TCAP: variants seen among roughly 807,000 people sequenced by gnomAD.
TCAP encodes titin-cap.
TCAP carries 14 observed loss-of-function variants against 16.6 expected under a neutral mutation model. That is an observed-to-expected ratio of 0.84 (90% confidence interval 0.56 to 1.32). The LOEUF is 1.32. Among genes scored for constraint, TCAP ranks in the 40% most tolerant of loss-of-function variants. The pLI is 0.00. For synonymous variants in TCAP, 97 were observed against 93.2 expected (o/e 1.04, Z -0.23); for missense variants, 212 against 223.5 (o/e 0.95, Z 0.33).
At chr17:39,665,691 C>T (rs779822505) in intron 1 of TCAP, 25 bp from the exon 2 acceptor site, 9 of 1,600,648 alleles carry the variant, frequency 5.6e-6, no homozygotes, top group East Asian at 4.5e-5. Flanking sequence ...CTCCCAGGAG[C>T]TCACTGCCCC....
At chr17:39,665,567 G>A in intron 1 of TCAP, 98 bp downstream of exon 1, 3 of 1,437,346 alleles carry the variant, frequency 2.1e-6, no homozygotes, top group Non-Finnish European at 2.9e-6. Context: ...ATTTCTGGGG[G>A]TGGGGGCAGG....
Position 39,666,126 on chromosome 17 carries a change from G to A in TCAP, c.*17G>A. ...AGAGGCTGAGAGGGACTGTGACTTG[G>A]GCTCCGCTGTGCCCGCCCTGGGCTG... On this transcript the variant is annotated 3_prime_UTR_variant, in exon 2 of 2. Transcript: ENST00000309889. 1 of 1,599,006 alleles carries A rather than the reference G, an allele frequency of 6.3e-7. No individual in the cohort carries two copies. The highest frequency in any genetic ancestry group is 8.5e-7 in the Non-Finnish European group (1 of 1,179,856).
intron 1 of TCAP, 111 bp downstream of exon 1, chr17:39,665,580 GA>G: frequency 8.5e-6 from 12 of 1,410,594 alleles, no homozygotes; most frequent in Non-Finnish European, 1.2e-5. Context: ...GGGGCAGGAA[GA>G]ATGCCCCATG....
Position 39,666,250 on chromosome 17 carries a change from A to G in TCAP, c.*141A>G. The G allele has an allele frequency of 1.7e-6, 2 of 1,160,204 alleles. No individual in the cohort carries two copies. Among genetic ancestry groups the G allele is most frequent in the Non-Finnish European group, 2.5e-6 (2 of 809,514 alleles). The allele number at this position is 1,160,204 out of a possible 1,614,324, so 71.9% of individuals were successfully genotyped here. A position where few individuals can be genotyped will look rare whatever the true frequency, so the allele number is the denominator to read the frequency against. On this transcript the variant is annotated 3_prime_UTR_variant, in exon 2 of 2. Transcript: ENST00000309889. ...CTAGGGGAGGGGGGAGCCAGAGGCC[A>G]GGATGCCTGAGCCCCCTGAGTTCCC...
In TCAP at chr17:39,665,388, T is replaced by C. The variant is rs1282590204; in HGVS notation, c.29T>C (p.Val10Ala). 3 of 1,613,324 alleles carry C rather than the reference T, an allele frequency of 1.9e-6. No homozygotes were observed. Among genetic ancestry groups the C allele is most frequent in the East Asian group, 2.2e-5 (1 of 44,860 alleles). ...GCTACCTCAGAGCTGAGCTGCGAGG[T>C]GTCGGAGGAGAACTGTGAGCGCCGG... MATSELSCE[V>A]SEENCERREA... The change falls in exon 1 of 2, where the codon GTG (valine) becomes GCG (alanine). Residue 10 changes from valine (V) to alanine (A), a missense_variant. Val to Ala is a moderately conservative substitution (Grantham distance 64). Transcript: ENST00000309889.
Position 39,665,445 on chromosome 17 carries a change from C to A in TCAP, c.86C>A (p.Thr29Lys). The change falls in exon 1 of 2, where the codon ACA becomes AAA. Residue 29 changes from threonine to lysine, a missense_variant. Transcript: ENST00000309889. ...EAFWAEWKDL[T>K]LSTRPEEGCS... ...TTCTGGGCAGAATGGAAGGATCTGA[C>A]ACTGTCCACACGGCCCGAGGAGGGG... 1 of 1,613,536 alleles carries A rather than the reference C, an allele frequency of 6.2e-7. No individual in the cohort carries two copies.
At chr17:39,665,510 G>C (rs759645275) in intron 1 of TCAP, 41 bp downstream of exon 1, 1 of 1,588,246 alleles carries the variant, frequency 6.3e-7, no homozygotes, top group Non-Finnish European at 8.6e-7. Flanking sequence ...TGCTCCCCCA[G>C]AGCACCCTCA....
chr17:39,666,184 T>C lies in TCAP; in HGVS notation c.*75T>C. The stretch of plus-strand genomic sequence containing the variant: ...CCTGGCTAGGACTGTGGAGGGGAGC[T>C]GCTGGCCATGGCTGCTTTGTAGTTT... On this transcript the variant is annotated 3_prime_UTR_variant, in exon 2 of 2. Coordinates refer to ENST00000309889, the MANE Select transcript of TCAP (RefSeq NM_003673.4). 6.3e-7 allele frequency: 1 copy of C among 1,578,548 alleles called. No individual in the cohort carries two copies. The highest frequency in any genetic ancestry group is 2.2e-5 in the East Asian group (1 of 44,574).
chr17:39,666,458 T>G lies in TCAP; in HGVS notation c.*349T>G. 2 of 356,242 alleles carry G rather than the reference T, an allele frequency of 5.6e-6. No individual in the cohort carries two copies. The highest frequency in any genetic ancestry group is 1.1e-5 in the Non-Finnish European group (2 of 187,814). The allele number at this position is 356,242 out of a possible 1,614,324, so 22.1% of individuals were successfully genotyped here. ...CTGGAACGCTCTAGGCAGAAGAAGC[T>G]GGGAGGGAGGGGGAGGTGAAAAGGG... On this transcript the variant is annotated 3_prime_UTR_variant, in exon 2 of 2. Transcript: ENST00000309889.
At position 39,666,194 on chromosome 17, in the gene TCAP, G is replaced by T. The variant is rs1010794675; in HGVS notation, c.*85G>T. 1.8e-5 allele frequency: 28 copies of T among 1,564,402 alleles called. No homozygotes were observed. Among genetic ancestry groups the T allele is most frequent in the Non-Finnish European group, 2.1e-5 (24 of 1,153,186 alleles). Reference sequence around the variant, plus strand: ...ACTGTGGAGGGGAGCTGCTGGCCATGGCTGCTTTGTAGTTTGCCCAGAGTT... The same window carrying T: ...ACTGTGGAGGGGAGCTGCTGGCCATTGCTGCTTTGTAGTTTGCCCAGAGTT... On this transcript the variant is annotated 3_prime_UTR_variant, in exon 2 of 2. Transcript: ENST00000309889.
chr17:39,665,690 G>C (rs1026339407), intron 1 of TCAP, 26 bp from the exon 2 acceptor site: 4 of 1,600,258 alleles, frequency 2.5e-6, no homozygotes, highest in Non-Finnish European at 3.4e-6. Context: ...GCTCCCAGGA[G>C]CTCACTGCCC....
Position 39,666,192 on chromosome 17 carries a change from A to T in TCAP, c.*83A>T. ...GGACTGTGGAGGGGAGCTGCTGGCC[A>T]TGGCTGCTTTGTAGTTTGCCCAGAG... is the stretch of plus-strand genomic sequence containing the variant. On this transcript the variant is annotated 3_prime_UTR_variant, in exon 2 of 2. Transcript: ENST00000309889. The T allele has an allele frequency of 7.4e-6, 11 of 1,482,718 alleles. No individual in the cohort carries two copies. Among genetic ancestry groups the T allele is most frequent in the Non-Finnish European group, 1.0e-5 (11 of 1,079,844 alleles). The allele number at this position is 1,482,718 out of a possible 1,614,324, so 91.8% of individuals were successfully genotyped here. A position where few individuals can be genotyped will look rare whatever the true frequency, so the allele number is the denominator to read the frequency against.
intron 1 of TCAP, 28 bp from the exon 2 acceptor site, chr17:39,665,688 G>A (rs1238183120): frequency 1.3e-6 from 2 of 1,599,156 alleles, no homozygotes; most frequent in African/African-American, 2.7e-5. Context: ...CAGCTCCCAG[G>A]AGCTCACTGC....
chr17:39,665,380 C>G lies in TCAP; in HGVS notation c.21C>G (p.Ser7Arg). 1.2e-6 allele frequency: 2 copies of G among 1,613,730 alleles called. No individual in the cohort carries two copies. Among genetic ancestry groups the G allele is most frequent in the Non-Finnish European group, 1.7e-6 (2 of 1,179,936 alleles). The change falls in exon 1 of 2, where the codon AGC becomes AGG. Residue 7 changes from serine to arginine, a missense_variant. Ser to Arg is a moderately radical substitution (Grantham distance 110). Transcript: ENST00000309889. Reference protein sequence around the residue: MATSELSCEVSEENCER... With the variant: MATSELRCEVSEENCER... The stretch of plus-strand genomic sequence containing the variant: ...TGATCATGGCTACCTCAGAGCTGAG[C>G]TGCGAGGTGTCGGAGGAGAACTGTG...
At position 39,665,807 on chromosome 17, in the gene TCAP, A is replaced by T. The variant is rs770133993; in HGVS notation, c.202A>T (p.Met68Leu). Residue 68 changes from methionine (M) to leucine (L), a missense_variant, in exon 2 of 2, where the codon ATG (methionine) becomes TTG (leucine). Met to Leu is a conservative substitution (Grantham distance 15, BLOSUM62 2). Transcript: ENST00000309889. Reference protein sequence around the residue: ...QVLVQRSPWLMMRMGILGRGL... With the variant: ...QVLVQRSPWLLMRMGILGRGL... ...GCTGGTGCAGCGCTCGCCCTGGCTG[A>T]TGATGCGGATGGGCATCCTCGGCCG... The T allele has an allele frequency of 3.1e-6, 5 of 1,607,008 alleles. No homozygotes were observed. In the Admixed American group the frequency reaches 8.4e-5, roughly 27 times the overall value.
chr17:39,665,535 C>T (rs989202119), intron 1 of TCAP, 66 bp downstream of exon 1: 1 of 1,531,240 alleles, frequency 6.5e-7, no homozygotes, highest in Non-Finnish European at 9.0e-7. Context: ...GCCATGAGGC[C>T]AGAGCATGAA....
At position 39,665,408 on chromosome 17, in the gene TCAP, C is replaced by G; in HGVS notation, c.49C>G (p.Arg17Gly). Residue 17 changes from arginine to glycine, a missense_variant, in exon 1 of 2, where the codon CGC (arginine) becomes GGC (glycine). By Grantham distance (125) the Arg-to-Gly change is moderately radical. Coordinates refer to ENST00000309889, the MANE Select transcript of TCAP (RefSeq NM_003673.4). The part of the protein sequence containing the change: ...SCEVSEENCE[R>G]REAFWAEWKD... ...CGAGGTGTCGGAGGAGAACTGTGAG[C>G]GCCGGGAGGCCTTCTGGGCAGAATG... 1 of 1,613,680 alleles carries G rather than the reference C, an allele frequency of 6.2e-7. No homozygotes were observed. The highest frequency in any genetic ancestry group is 8.5e-7 in the Non-Finnish European group (1 of 1,179,960).
At chr17:39,665,513 C>T (rs2057248151) in intron 1 of TCAP, 44 bp downstream of exon 1, 1 of 1,577,718 alleles carries the variant, frequency 6.3e-7, no homozygotes, top group Non-Finnish European at 8.7e-7. Flanking sequence ...TCCCCCAGAG[C>T]ACCCTCACTG....
intron 1 of TCAP, 119 bp downstream of exon 1, chr17:39,665,588 C>A: frequency 7.1e-7 from 1 of 1,405,118 alleles, no homozygotes; most frequent in South Asian, 1.2e-5. Context: ...AAGAATGCCC[C>A]ATGGGGAGAG....
Sources: allele counts gnomAD v4.1 joint callset, GRCh38; gene constraint gnomAD v4.1.1; transcripts MANE v1.5; gene names NCBI Gene and HGNC (gene_info 2026-07-23, HGNC 2026-07-21).